CDH2: variants seen among roughly 807,000 people sequenced by gnomAD.
CDH2 encodes the protein cadherin-2.
A neutral mutation model predicts 92.0 loss-of-function variants in CDH2; 17 were observed. The ratio of observed to expected loss-of-function variants is 0.18; its 90% confidence interval spans 0.13 to 0.28. The LOEUF (loss-of-function observed/expected upper bound fraction) is 0.28. Among genes scored for constraint, CDH2 ranks in the 10% least tolerant of loss-of-function variants. The probability of loss-of-function intolerance (pLI) is 1.00; values close to 1 mark genes in which losing one functional copy is unlikely to be tolerated. For missense variants in CDH2, 862 were observed against 1,133.1 expected, an observed-to-expected ratio of 0.76 and a Z score of 3.44; for synonymous variants, 419 against 415.9, an observed-to-expected ratio of 1.01 and a Z score of -0.09.
chr18:28,154,313 GACAAGCAGTCA>G (rs2016173135), intron 1 of CDH2, among the ~76,000 whole-genome samples: 1 of 152,236 alleles, frequency 6.6e-6, no homozygotes, highest in Admixed American at 6.5e-5. Context: ...CCTCAAGGAT[GACAAGCAGTCA>G]ACAAGCCCTC....
intron 2 of CDH2, among the ~76,000 whole-genome samples, chr18:28,059,454 G>C (rs1360180887): frequency 2.6e-5 from 4 of 152,214 alleles, no homozygotes; most frequent in Non-Finnish European, 5.9e-5. Context: ...CATGAGACAA[G>C]TAGCTGGGTT....
chr18:27,984,953 C>A, intron 13 of CDH2, 47 bp downstream of exon 13: 1 of 1,467,980 alleles, frequency 6.8e-7, no homozygotes, highest in Non-Finnish European at 9.5e-7. Flanking sequence ...GCTGAACATC[C>A]TAGAAGCCAA....
chr18:28,086,207 A>T (rs1216101297), intron 2 of CDH2, among the ~76,000 whole-genome samples: 1 of 152,186 alleles, frequency 6.6e-6, no homozygotes, highest in African/African-American at 2.4e-5. Context: ...TGTTCTAAAG[A>T]AGGGATTAAC....
intron 2 of CDH2, among the ~76,000 whole-genome samples, chr18:28,085,166 T>C (rs1208076319): frequency 6.6e-6 from 1 of 152,100 alleles, no homozygotes; most frequent in Non-Finnish European, 1.5e-5. Context: ...TTTTTCAATT[T>C]TTCTCTTTAA....
chr18:28,013,543 A>G, intron 3 of CDH2, 140 bp downstream of exon 3: 1 of 670,034 alleles, frequency 1.5e-6, no homozygotes. Flanking sequence ...ACACAACAAA[A>G]TATTATTAAA....
chr18:28,107,882 A>G (rs1275817201), intron 2 of CDH2, among the ~76,000 whole-genome samples: 1 of 152,186 alleles, frequency 6.6e-6, no homozygotes, highest in Admixed American at 6.5e-5. Flanking sequence ...AAAAAGAAAA[A>G]AGAAAAACAC....
At chr18:28,067,480 C>G (rs1235822040) in intron 2 of CDH2, among the ~76,000 whole-genome samples, 1 of 152,096 alleles carries the variant, frequency 6.6e-6, no homozygotes, top group Non-Finnish European at 1.5e-5. Context: ...TGGAATCATA[C>G]AATATGTGGT....
At chr18:28,162,879 A>T (rs2016326709) in intron 1 of CDH2, among the ~76,000 whole-genome samples, 1 of 152,202 alleles carries the variant, frequency 6.6e-6, no homozygotes, top group Non-Finnish European at 1.5e-5. Flanking sequence ...TGATGTGAGG[A>T]TTATATGAAA....
chr18:28,014,506 G>C (rs1426359337), intron 2 of CDH2, among the ~76,000 whole-genome samples: 3 of 152,068 alleles, frequency 2.0e-5, no homozygotes, highest in Admixed American at 1.3e-4. Context: ...CTATGCTCTA[G>C]AATTGTAAGA....
chr18:28,036,086 G>A (rs375218557), intron 2 of CDH2, among the ~76,000 whole-genome samples: 15 of 152,260 alleles, frequency 9.9e-5, no homozygotes, highest in East Asian at 3.9e-4. Context: ...GCAGTTTGCA[G>A]AAGAATGTCT....
chr18:27,980,879 T>C (rs1299199855), intron 14 of CDH2, among the ~76,000 whole-genome samples: 1 of 151,854 alleles, frequency 6.6e-6, no homozygotes, highest in Non-Finnish European at 1.5e-5. Flanking sequence ...ATTTATGATA[T>C]TATTTTAACA....
chr18:28,098,465 T>C (rs2015173404), intron 2 of CDH2, among the ~76,000 whole-genome samples: 1 of 152,170 alleles, frequency 6.6e-6, no homozygotes, highest in Admixed American at 6.5e-5. Context: ...CAATACCTTG[T>C]TTTATGTGCA....
intron 1 of CDH2, among the ~76,000 whole-genome samples, chr18:28,162,572 TAAGCCGAGTTTGCTCCATG>T (rs1356831605): frequency 6.6e-6 from 1 of 152,158 alleles, no homozygotes; most frequent in African/African-American, 2.4e-5. Context: ...TTCCCATTCT[TAAGCCGAGTTTGCTCCATG>T]AAACTGAGAT....
At chr18:28,026,892 T>C (rs371882045) in intron 2 of CDH2, among the ~76,000 whole-genome samples, 6 of 152,214 alleles carry the variant, frequency 3.9e-5, no homozygotes, top group African/African-American at 1.4e-4. Context: ...ACACTTCTCA[T>C]CTCCCTTGAC....
At chr18:28,066,934 T>C (rs530694647) in intron 2 of CDH2, among the ~76,000 whole-genome samples, 144 of 152,242 alleles carry the variant, frequency 9.5e-4, no homozygotes, top group African/African-American at 3.2e-3. Flanking sequence ...TAAGAACATA[T>C]AGAAATTTAG....
At chr18:28,099,816 T>A (rs141206930) in intron 2 of CDH2, among the ~76,000 whole-genome samples, 1 of 152,312 alleles carries the variant, frequency 6.6e-6, no homozygotes, top group African/African-American at 2.4e-5. Flanking sequence ...ATTTGATCTC[T>A]TTTGAAAATC....
intron 2 of CDH2, among the ~76,000 whole-genome samples, chr18:28,086,599 G>T (rs2014932773): frequency 6.6e-6 from 1 of 152,024 alleles, no homozygotes; most frequent in African/African-American, 2.4e-5. Flanking sequence ...CACTGACCAT[G>T]GTTCTAAATA....
intron 1 of CDH2, among the ~76,000 whole-genome samples, chr18:28,161,256 G>A (rs761609269): frequency 1.4e-4 from 21 of 152,028 alleles, no homozygotes; most frequent in Non-Finnish European, 2.8e-4. Context: ...GACTGTTGCT[G>A]TGGTCATCAT....
In CDH2 at chr18:27,984,787, G is replaced by A. The variant is rs17493423; in HGVS notation, c.2209+213C>T. Among the ~76,000 whole-genome samples, 2,929 of 152,270 alleles carry A rather than the reference G, an allele frequency of 0.019. 44 individuals are homozygous for A. Among genetic ancestry groups the A allele is most frequent in the African/African-American group, 0.019 (806 of 41,550 alleles). ...AGAGGGCAAGGAAGAGGCATGCTGA[G>A]GCAGCTTGTTGCAAACATCAAGTGC... On this transcript the variant is annotated intron_variant, in intron 13 of 15. Coordinates refer to ENST00000269141, the MANE Select transcript of CDH2 (RefSeq NM_001792.5).
Sources: allele counts gnomAD v4.1 joint callset (sites outside exome capture counted in the v4.1 genomes callset), GRCh38; gene constraint gnomAD v4.1.1; transcripts MANE v1.5; gene names NCBI Gene and HGNC (gene_info 2026-07-23, HGNC 2026-07-21).